The following ABLIM3 variants were observed in gnomAD, a reference collection of about 807,000 sequenced individuals.
The protein encoded by ABLIM3 is actin binding LIM protein family member 3, also known as actin-binding LIM protein 3.
ABLIM3 carries 61 observed loss-of-function variants against 109.5 expected under a neutral mutation model. That is an observed-to-expected ratio of 0.56 (90% CI 0.45 to 0.69). The LOEUF is 0.69. Among genes scored for constraint, ABLIM3 ranks in the 30% least tolerant of loss-of-function variants. The pLI is 0.00. For synonymous variants in ABLIM3, 300 were observed against 324.8 expected (o/e 0.92, Z 0.82); for missense variants, 796 against 889.5 (o/e 0.89, Z 1.34).
chr5:149,259,713 G>A lies in ABLIM3; in HGVS notation c.*1309G>A, dbSNP rs963956263. On this transcript the variant is annotated 3_prime_UTR_variant, in exon 24 of 24. Transcript: ENST00000309868. ...CCTCTCCAAACCTTTCACCTTGAAT[G>A]GGTAATGTTTGGTGGGGGCTGTTCC... The A allele has an allele frequency of 3.0e-6, 3 of 1,015,674 alleles. No individual in the cohort carries two copies. The highest frequency in any genetic ancestry group is 2.9e-6 in the Non-Finnish European group (2 of 685,560). The allele number at this position is 1,015,674 out of a possible 1,614,324, so 62.9% of individuals were successfully genotyped here. A position where few individuals can be genotyped will look rare whatever the true frequency, so the allele number is the denominator to read the frequency against.
At chr5:149,239,305 G>GGACTTCACCC in intron 12 of ABLIM3, 28 bp downstream of exon 12, 1 of 1,611,716 alleles carries the variant, frequency 6.2e-7, no homozygotes. Context: ...GAATTAAGTT[G>GGACTTCACCC]ATATATAATT....
chr5:149,199,318 A>G lies in ABLIM3; in HGVS notation c.335+916A>G, dbSNP rs374056202. Among the ~76,000 whole-genome samples the G allele has an allele frequency of 2.6e-5, 4 of 152,152 alleles. 1 individual carries two copies. In the East Asian group the frequency reaches 7.7e-4, roughly 29 times the overall value. On this transcript the variant is annotated intron_variant, in intron 4 of 23. Transcript: ENST00000309868. ...GGATTAATTATTCTCCGCATAAAAT[A>G]ACCACCAGTCACTTACCAGTTAGAA...
chr5:149,217,234 G>A lies in ABLIM3; in HGVS notation c.757+188G>A, dbSNP rs1223397924. 4.8e-6 allele frequency: 3 copies of A among 619,102 alleles called. No homozygotes were observed. In the Admixed American group the frequency reaches 7.4e-5, roughly 15 times the overall value. 38.4% of individuals were successfully genotyped at this position (619,102 alleles called of 1,614,324 possible). The stretch of plus-strand genomic sequence containing the variant: ...GGAAGGTTGCCGGTGTGGCTAATAT[G>A]AAGTGACATGTAATCTGCCTTCCGT... On this transcript the variant is annotated intron_variant, in intron 8 of 23. Transcript: ENST00000309868.
chr5:149,258,297 C>T lies in ABLIM3; in HGVS notation c.1945C>T (p.Leu649=), dbSNP rs773037502. 5.0e-6 allele frequency: 8 copies of T among 1,613,788 alleles called. No individual in the cohort carries two copies. In the South Asian group the frequency reaches 7.7e-5, roughly 16 times the overall value. Residue 649 remains leucine (L), a synonymous_variant, in exon 24 of 24, where the codon CTG becomes TTG. Transcript: ENST00000309868. The part of the protein sequence containing the change: ...DVDRTRLERH[L]SQEEFYQVFG... ...CCTGCCCTGCCTCCTTCAGCGCCAC[C>T]TGTCCCAGGAAGAGTTCTACCAAGT...
At chr5:149,147,654 A>G (rs751303213) in intron 2 of ABLIM3, among the ~76,000 whole-genome samples, 4 of 152,212 alleles carry the variant, frequency 2.6e-5, no homozygotes, top group Non-Finnish European at 5.9e-5. Flanking sequence ...TAATCACTTT[A>G]TCTGGAGAAG....
chr5:149,237,509 C>CTATCTACGAGGT lies in ABLIM3; in HGVS notation c.951_962dup (p.Ile318_Val321dup), dbSNP rs1752325961. ...CTGGCGGCTCTCCCCAAGGTTAAGT[C>CTATCTACGAGGT]TATCTACGAGGTACAACGCCCCGAC... On this transcript the variant is annotated inframe_insertion, in exon 11 of 24. Transcript: ENST00000309868. The CTATCTACGAGGT allele has an allele frequency of 1.2e-6, 2 of 1,614,220 alleles. No individual in the cohort carries two copies. The highest frequency in any genetic ancestry group is 4.5e-5 in the East Asian group (2 of 44,884).
intron 2 of ABLIM3, among the ~76,000 whole-genome samples, chr5:149,160,223 C>T (rs1040626982): frequency 6.6e-6 from 1 of 151,976 alleles, no homozygotes; most frequent in African/African-American, 2.4e-5. Flanking sequence ...GGAAGGCCAA[C>T]GTGGGTGGAT....
chr5:149,250,669 C>G (rs1033377058), intron 20 of ABLIM3, among the ~76,000 whole-genome samples, 164 bp downstream of exon 20: 2 of 152,288 alleles, frequency 1.3e-5, no homozygotes, highest in Admixed American at 6.5e-5. Context: ...CCTGGTGACC[C>G]CTTCGTGAAA....
At chr5:149,233,404 A>C in intron 10 of ABLIM3, 104 bp downstream of exon 10, 1 of 1,157,334 alleles carries the variant, frequency 8.6e-7, no homozygotes, top group East Asian at 2.4e-5. Flanking sequence ...TCCAGCTGAC[A>C]TTTGATGCAT....
chr5:149,183,239 G>T (rs1581068479), intron 2 of ABLIM3, among the ~76,000 whole-genome samples: 1 of 152,324 alleles, frequency 6.6e-6, no homozygotes, highest in South Asian at 2.1e-4. Context: ...TCACTCAAAA[G>T]TCCTTGCCTG....
chr5:149,178,110 C>G (rs1386840127), intron 2 of ABLIM3, among the ~76,000 whole-genome samples: 1 of 152,170 alleles, frequency 6.6e-6, no homozygotes, highest in Admixed American at 6.5e-5. Flanking sequence ...ACAGGATCGG[C>G]ACCTGGGCCC....
chr5:149,213,463 T>C (rs952675675), intron 7 of ABLIM3, among the ~76,000 whole-genome samples: 1 of 152,192 alleles, frequency 6.6e-6, no homozygotes. Context: ...GCGGAAAAGC[T>C]GTTGGATGTG....
At chr5:149,195,648 G>A (rs968349394) in intron 3 of ABLIM3, among the ~76,000 whole-genome samples, 2 of 152,188 alleles carry the variant, frequency 1.3e-5, no homozygotes, top group Non-Finnish European at 2.9e-5. Context: ...AAAAACCGGA[G>A]CTGTTTCCAA....
In ABLIM3 at chr5:149,239,790, G is replaced by C; in HGVS notation, c.1106G>C (p.Arg369Thr). Residue 369 changes from arginine to threonine, a missense_variant, in exon 13 of 24, where the codon AGA (arginine) becomes ACA (threonine). Arg to Thr is a moderately conservative substitution (Grantham distance 71). Transcript: ENST00000309868. ...TACGAGAACCTGGACCTCCGGCAGA[G>C]ACGGGCCTCCAGCCCGGGGTACATA... The part of the protein sequence containing the change: ...DIYENLDLRQ[R>T]RASSPGYIDS... 1 of 1,607,938 alleles carries C rather than the reference G, an allele frequency of 6.2e-7. No homozygotes were observed. The highest frequency in any genetic ancestry group is 1.1e-5 in the South Asian group (1 of 90,230).
At chr5:149,158,039 C>G (rs115438959) in intron 2 of ABLIM3, among the ~76,000 whole-genome samples, 3 of 152,174 alleles carry the variant, frequency 2.0e-5, no homozygotes, top group Non-Finnish European at 2.9e-5. Flanking sequence ...ATTCTTCCAC[C>G]CTGCTACCTC....
In ABLIM3 at chr5:149,252,787, A is replaced by G. The variant is rs770230283; in HGVS notation, c.1888A>G (p.Thr630Ala). 1.2e-6 allele frequency: 2 copies of G among 1,613,234 alleles called. No homozygotes were observed. The highest frequency in any genetic ancestry group is 1.3e-5 in the African/African-American group (1 of 74,862). Residue 630 changes from threonine to alanine, a missense_variant, in exon 23 of 24, where the codon ACA (threonine) becomes GCA (alanine). Coordinates refer to ENST00000309868, the MANE Select transcript of ABLIM3 (RefSeq NM_014945.5). ...CCCTTATGAACTGCTGCTGGTGACT[A>G]CAAGAGGAAGAAACCGACTGCCCAA... ...IYPYELLLVT[T>A]RGRNRLPKDV...
At chr5:149,243,062 G>A (rs545051758) in intron 15 of ABLIM3, among the ~76,000 whole-genome samples, 1 of 152,202 alleles carries the variant, frequency 6.6e-6, no homozygotes, top group Non-Finnish European at 1.5e-5. Context: ...CAGAGGAGAT[G>A]TAGATGAGTA....
chr5:149,182,362 T>C (rs375590140), intron 2 of ABLIM3, among the ~76,000 whole-genome samples: 1 of 152,188 alleles, frequency 6.6e-6, no homozygotes, highest in African/African-American at 2.4e-5. Flanking sequence ...TCCTTCAACT[T>C]TGAGTGAGAA....
intron 10 of ABLIM3, among the ~76,000 whole-genome samples, chr5:149,235,937 G>A (rs1392432878): frequency 6.6e-6 from 1 of 152,224 alleles, no homozygotes; most frequent in Admixed American, 6.5e-5. Flanking sequence ...AAAGATGAGG[G>A]AAGGGAACAG....
Sources: gnomAD v4.1 joint callset for allele counts (sites outside exome capture counted in the v4.1 genomes callset) on GRCh38, gnomAD v4.1.1 for gene constraint, MANE v1.5 for transcripts, NCBI Gene and HGNC (gene_info 2026-07-23, HGNC 2026-07-21) for gene names.